SNX29: variants seen among roughly 807,000 people sequenced by gnomAD.
SNX29 encodes sorting nexin 29.
Under a neutral mutation model 102.1 loss-of-function variants are expected in SNX29, and 78 were observed. That is an observed-to-expected ratio of 0.76 (90% CI 0.64 to 0.92). The LOEUF (loss-of-function observed/expected upper bound fraction) is 0.92, where lower values mean the gene tolerates loss of function less well. SNX29 is among the 40% of genes least tolerant of loss of function. The probability of loss-of-function intolerance (pLI) is 0.00; values close to 1 mark genes in which losing one functional copy is unlikely to be tolerated. For missense variants in SNX29, 1,280 were observed against 1,061.7 expected (o/e 1.21, Z -2.86); for synonymous variants, 580 against 414.5 (o/e 1.40, Z -4.85).
intron 20 of SNX29, among the ~76,000 whole-genome samples, chr16:12,529,619 C>T (rs2076878566): frequency 6.6e-6 from 1 of 152,190 alleles, no homozygotes; most frequent in Non-Finnish European, 1.5e-5. Context: ...ATGTAGGTCA[C>T]AGCACAAATT....
chr16:12,193,448 A>G (rs1024726364), intron 13 of SNX29, among the ~76,000 whole-genome samples: 1 of 146,112 alleles, frequency 6.8e-6, no homozygotes, highest in Admixed American at 7.1e-5. Flanking sequence ...CAGCCTGGGC[A>G]ACAAGAGTGA....
rs527943960 is a variant in SNX29 at position 12,514,059 on chromosome 16, C to A, written c.2179-10643C>A. 9.2e-5 allele frequency among the ~76,000 whole-genome samples: 14 copies of A among 152,336 alleles called. No individual in the cohort carries two copies. In the South Asian group the frequency reaches 2.5e-3, roughly 27 times the overall value. ...ATTTGCCGTGGATTGCGGCTTGCTC[C>A]CTGCATCCCAGGGTGGCAGGATTGG... On this transcript the variant is annotated intron_variant, in intron 19 of 20. Coordinates refer to ENST00000566228, the MANE Select transcript of SNX29 (RefSeq NM_032167.5).
Position 12,120,154 on chromosome 16 carries a change from TAAAAG to T in SNX29, c.1403-6478_1403-6474del, listed in dbSNP as rs201791935. ...TATAGTTTATCCTTTCTTTTGGAGA[TAAAAG>T]GAAAGGGAGTGGGTAGGCAGACAAA... On this transcript the variant is annotated intron_variant, in intron 11 of 20. Coordinates refer to ENST00000566228, the MANE Select transcript of SNX29 (RefSeq NM_032167.5). Among the ~76,000 whole-genome samples the T allele has an allele frequency of 1.2e-4, 19 of 152,226 alleles. No individual in the cohort carries two copies. The East Asian group carries it at 2.5e-3, about 20-fold the overall frequency.
chr16:12,515,021 C>T (rs2089802778), intron 19 of SNX29, among the ~76,000 whole-genome samples: 1 of 152,096 alleles, frequency 6.6e-6, no homozygotes, highest in Non-Finnish European at 1.5e-5. Context: ...GTGTGCCTAG[C>T]CCAGTGCCTG....
At chr16:12,438,264 C>G (rs183828638) in intron 18 of SNX29, among the ~76,000 whole-genome samples, 2 of 152,286 alleles carry the variant, frequency 1.3e-5, no homozygotes, top group African/African-American at 4.8e-5. Flanking sequence ...GCGTCCCAGC[C>G]CCACCTGGTT....
chr16:12,548,837 G>A (rs1037529031), intron 20 of SNX29, among the ~76,000 whole-genome samples: 3 of 152,176 alleles, frequency 2.0e-5, no homozygotes, highest in Non-Finnish European at 2.9e-5. Context: ...GCCCTGTCTA[G>A]CTCTCAGTTC....
chr16:12,205,850 G>A (rs2077032511), intron 14 of SNX29, among the ~76,000 whole-genome samples: 1 of 152,222 alleles, frequency 6.6e-6, no homozygotes, highest in South Asian at 2.1e-4. Context: ...TTCCCCTGCT[G>A]TGTTGAAAGT....
chr16:12,418,656 A>G lies in SNX29; in HGVS notation c.2037+15127A>G, dbSNP rs566813027. Among the ~76,000 whole-genome samples, 4 of 152,256 alleles carry G rather than the reference A, an allele frequency of 2.6e-5. No individual in the cohort carries two copies. The South Asian group carries it at 8.3e-4, about 32-fold the overall frequency. On this transcript the variant is annotated intron_variant, in intron 18 of 20. Transcript: ENST00000566228. ...CAGCCTTCTGAGTAGCTGGGATTAC[A>G]GGTGCCTGCCACCGTGCCCAGCTAA...
intron 18 of SNX29, among the ~76,000 whole-genome samples, chr16:12,435,075 G>A (rs2085478205): frequency 6.6e-6 from 1 of 152,078 alleles, no homozygotes; most frequent in Non-Finnish European, 1.5e-5. Flanking sequence ...TCCATCCCCA[G>A]GCCCAGGAGA....
chr16:12,163,899 C>A (rs1486929134), intron 13 of SNX29, among the ~76,000 whole-genome samples: 1 of 151,916 alleles, frequency 6.6e-6, no homozygotes, highest in Non-Finnish European at 1.5e-5. Flanking sequence ...CAGATTTGGA[C>A]ATTCTACAGG....
At chr16:12,042,832 G>T (rs190427407) in intron 4 of SNX29, 65 bp from the exon 5 acceptor site, 87 of 1,511,546 alleles carry the variant, frequency 5.8e-5, no homozygotes, top group Non-Finnish European at 7.8e-5. Flanking sequence ...GAGGCTTTGT[G>T]TGTTCCTCTC....
Position 12,013,411 on chromosome 16 carries a change from A to AG in SNX29, c.122+10369dup, listed in dbSNP as rs1187995762. Among the ~76,000 whole-genome samples, 7 of 142,234 alleles carry AG rather than the reference A, an allele frequency of 4.9e-5. 1 individual carries two copies. The highest frequency in any genetic ancestry group is 4.6e-4 in the South Asian group (2 of 4,364). The allele number at this position is 142,234 out of a possible 152,430, so 93.3% of individuals were successfully genotyped here. ...GTAATCCCAGCACTTTGGGAGGCTGAGTGGGGGACAGATTGCTTGAGGCCA... is the reference window on the plus strand; with the variant it reads ...GTAATCCCAGCACTTTGGGAGGCTGAGGTGGGGGACAGATTGCTTGAGGCCA... On this transcript the variant is annotated intron_variant, in intron 3 of 20. Transcript: ENST00000566228.
At chr16:12,398,802 C>G (rs1016422969) in intron 17 of SNX29, among the ~76,000 whole-genome samples, 2 of 151,598 alleles carry the variant, frequency 1.3e-5, no homozygotes, top group Admixed American at 6.6e-5. Flanking sequence ...AGACGCTTGT[C>G]CCTGTGAGGC....
chr16:12,548,364 C>T (rs76932121), intron 20 of SNX29, among the ~76,000 whole-genome samples: 1 of 152,348 alleles, frequency 6.6e-6, no homozygotes, highest in East Asian at 1.9e-4. Context: ...TCTGCACCCA[C>T]ATGGAAGGGA....
rs763821118 is a variant in SNX29, at chr16:12,572,782, ACTC to A, written c.*4159_*4161del. On this transcript the variant is annotated 3_prime_UTR_variant, in exon 21 of 21. Transcript: ENST00000566228. ...TGGGACCCGAGGAAGACCCCACCTC[ACTC>A]CTCCTTCCCCAGTACATCAGACTGG... 1.1e-4 allele frequency: 112 copies of A among 1,062,976 alleles called. No homozygotes were observed. Among genetic ancestry groups the A allele is most frequent in the Non-Finnish European group, 1.2e-4 (102 of 878,012 alleles). 65.8% of individuals were successfully genotyped at this position (1,062,976 alleles called of 1,614,324 possible).
At chr16:12,178,759 G>C (rs2076317695) in intron 13 of SNX29, among the ~76,000 whole-genome samples, 2 of 152,300 alleles carry the variant, frequency 1.3e-5, no homozygotes, top group Admixed American at 1.3e-4. Context: ...TTTCCGACTT[G>C]AGTAGTATTT....
rs907020726 is a variant in SNX29, at chr16:12,189,280, A to G, written c.1596-10321A>G. 3.3e-5 allele frequency among the ~76,000 whole-genome samples: 5 copies of G among 152,194 alleles called. No homozygotes were observed. The East Asian group carries it at 5.8e-4, about 18-fold the overall frequency. ...TCAACTTTAACCAGTAGTCCCAGCA[A>G]TGTCTTTTCTTGCAAAATGGTTGAG... is the stretch of plus-strand genomic sequence containing the variant. On this transcript the variant is annotated intron_variant, in intron 13 of 20. Transcript: ENST00000566228.
At chr16:12,195,927 T>A (rs1020179665) in intron 13 of SNX29, among the ~76,000 whole-genome samples, 1 of 151,838 alleles carries the variant, frequency 6.6e-6, no homozygotes, top group Admixed American at 6.6e-5. Context: ...GCTCTGCCTT[T>A]GCTGGTTGTG....
chr16:12,250,844 G>T (rs2078400088), intron 14 of SNX29, among the ~76,000 whole-genome samples: 1 of 141,360 alleles, frequency 7.1e-6, no homozygotes, highest in Admixed American at 7.1e-5. Context: ...TGGGCTGGTG[G>T]CTTCGTCTCT....
Sources: gnomAD v4.1 joint callset for allele counts (sites outside exome capture counted in the v4.1 genomes callset) on GRCh38, gnomAD v4.1.1 for gene constraint, MANE v1.5 for transcripts, NCBI Gene and HGNC (gene_info 2026-07-23, HGNC 2026-07-21) for gene names.